Variants in GYS2 observed in about 807,000 individuals in gnomAD.
GYS2 encodes glycogen [starch] synthase, liver.
In GYS2, 80 loss-of-function variants were observed where a neutral mutation model predicts 85.6. The ratio of observed to expected loss-of-function variants is 0.93; its 90% CI spans 0.78 to 1.13. The LOEUF (loss-of-function observed/expected upper bound fraction) is 1.13. GYS2 is among the 50% of genes most tolerant of loss of function. GYS2 has a pLI of 0.00. For synonymous variants in GYS2, 328 were observed against 300.7 expected (o/e 1.09, Z -0.94); for missense variants, 881 against 854.9 (o/e 1.03, Z -0.38).
chr12:21,565,390 A>AATATATAT lies in GYS2; in HGVS notation c.824-2053_824-2046dup, dbSNP rs55790137. Among the ~76,000 whole-genome samples the AATATATAT allele has an allele frequency of 2.9e-3, 217 of 73,572 alleles. 7 individuals carry two copies. Among genetic ancestry groups the AATATATAT allele is most frequent in the Middle Eastern group, 0.013 (1 of 80 alleles). 48.3% of individuals were successfully genotyped at this position (73,572 alleles called of 152,430 possible). ...ACCATTATACTATTTCCATCCATGA[A>AATATATAT]ATATATATATATATATATATATATA... is the stretch of plus-strand genomic sequence containing the variant. On this transcript the variant is annotated intron_variant, in intron 5 of 15. Coordinates refer to ENST00000261195, the MANE Select transcript of GYS2 (RefSeq NM_021957.4).
chr12:21,579,404 C>T (rs1247279914), intron 2 of GYS2, among the ~76,000 whole-genome samples: 3 of 139,908 alleles, frequency 2.1e-5, no homozygotes, highest in South Asian at 2.2e-4. Flanking sequence ...CCCAAGCAGG[C>T]GAGCAATGGC....
At chr12:21,544,407 T>A (rs766145919) in intron 12 of GYS2, among the ~76,000 whole-genome samples, 15 of 152,322 alleles carry the variant, frequency 9.8e-5, no homozygotes, top group Non-Finnish European at 1.9e-4. Flanking sequence ...AACTTTGCCC[T>A]ATAAAATGAC....
rs1387188410 is a variant in GYS2 at position 21,588,461 on chromosome 12, T to A, written c.122-7938A>T. ...TGTTGATGCTATTATATGGTACCAA[T>A]AGGATTCATTAATTTATAAAGGAGA... is the stretch of plus-strand genomic sequence containing the variant. On this transcript the variant is annotated intron_variant, in intron 1 of 15. Transcript: ENST00000261195. Among the ~76,000 whole-genome samples the A allele has an allele frequency of 3.3e-5, 5 of 152,208 alleles. No individual in the cohort carries two copies. The East Asian group carries it at 7.7e-4, about 23-fold the overall frequency.
At chr12:21,535,905 G>A (rs2192171), downstream of GYS2, among the ~76,000 whole-genome samples, 4,284 of 152,176 alleles carry the variant, frequency 0.028, 184 homozygotes, top group African/African-American at 0.09. Flanking sequence ...AACATAAATC[G>A]GCTAAATTAA....
At chr12:21,567,475 A>G (rs1397836026) in intron 5 of GYS2, among the ~76,000 whole-genome samples, 1 of 151,714 alleles carries the variant, frequency 6.6e-6, no homozygotes, top group East Asian at 1.9e-4. Context: ...AAAAAAGGCT[A>G]CTATAGGTTC....
At chr12:21,555,507 G>A (rs1372331017) in intron 11 of GYS2, among the ~76,000 whole-genome samples, 2 of 152,008 alleles carry the variant, frequency 1.3e-5, no homozygotes, top group Non-Finnish European at 2.9e-5. Flanking sequence ...AATACTTACT[G>A]GTTTTTAAAT....
At chr12:21,600,630 C>T (rs1415369182) in intron 1 of GYS2, among the ~76,000 whole-genome samples, 5 of 152,060 alleles carry the variant, frequency 3.3e-5, no homozygotes, top group Admixed American at 1.3e-4. Context: ...TTGTTCTTTA[C>T]GGCAATTACA....
In GYS2 at chr12:21,537,136, G is replaced by T. The variant is rs1485503615; in HGVS notation, c.1930C>A (p.Pro644Thr). The T allele has an allele frequency of 6.2e-7, 1 of 1,613,898 alleles. No individual in the cohort carries two copies. Among genetic ancestry groups the T allele is most frequent in the East Asian group, 2.2e-5 (1 of 44,874 alleles). ...GAGGCCTGAGACCCTGAAGGAGAAG[G>T]TGGTACTGAGGAAGGCCTGGGATAT... ...FKYPRPSSVPPSPSGSQASSP... is the reference protein window; with the variant it reads ...FKYPRPSSVPTSPSGSQASSP... Residue 644 changes from proline (P) to threonine (T), a missense_variant, in exon 16 of 16, where the codon CCT becomes ACT. By Grantham distance (38) the Pro-to-Thr change is conservative. Coordinates refer to ENST00000261195, the MANE Select transcript of GYS2 (RefSeq NM_021957.4).
chr12:21,564,388 G>A lies in GYS2; in HGVS notation c.824-1043C>T, dbSNP rs188331613. Among the ~76,000 whole-genome samples the A allele has an allele frequency of 3.8e-3, 584 of 151,918 alleles. 4 individuals are homozygous for A. The highest frequency in any genetic ancestry group is 0.013 in the African/African-American group (521 of 41,404). On this transcript the variant is annotated intron_variant, in intron 5 of 15. Coordinates refer to ENST00000261195, the MANE Select transcript of GYS2 (RefSeq NM_021957.4). ...GGAGGTTGCAGTGAGCTGAAATCAC[G>A]CCACTGCACTTCAGCCTGGGTGACA... is the stretch of plus-strand genomic sequence containing the variant.
At chr12:21,589,234 T>C (rs543448883) in intron 1 of GYS2, among the ~76,000 whole-genome samples, 2 of 152,290 alleles carry the variant, frequency 1.3e-5, no homozygotes, top group East Asian at 1.9e-4. Flanking sequence ...CTGAAGAACA[T>C]AAGGGGGAAA....
At chr12:21,554,174 G>GAT (rs1555155437) in intron 11 of GYS2, among the ~76,000 whole-genome samples, 1 of 150,120 alleles carries the variant, frequency 6.7e-6, no homozygotes, top group Admixed American at 6.6e-5. Context: ...AAGGAAGGAG[G>GAT]GAAGGAAAAA....
In GYS2 at chr12:21,540,553, G is replaced by A. The variant is rs958670031; in HGVS notation, c.1666C>T (p.Arg556Trp). 10 of 1,613,762 alleles carry A rather than the reference G, an allele frequency of 6.2e-6. No individual in the cohort carries two copies. The African/African-American group carries it at 6.7e-5, about 11-fold the overall frequency. Residue 556 changes from arginine (R) to tryptophan (W), a missense_variant, in exon 14 of 16, where the codon CGG becomes TGG. Arg to Trp is a moderately radical substitution (Grantham distance 101, BLOSUM62 -3). Transcript: ENST00000261195. ...TAYGIYIVDR[R>W]FRSPDDSCNQ... ...CAAGAATCATCTGGAGAACGGAACC[G>A]CCTGTCAACGATGTAAATACCTGAA...
At chr12:21,559,856 T>C (rs1460019790) in intron 8 of GYS2, 146 bp from the exon 9 acceptor site, 1 of 687,494 alleles carries the variant, frequency 1.5e-6, no homozygotes, top group Non-Finnish European at 2.5e-6. Flanking sequence ...TCTTCTATTA[T>C]TTTACTACTT....
intron 11 of GYS2, among the ~76,000 whole-genome samples, chr12:21,551,801 T>C (rs796321000): frequency 2.4e-4 from 36 of 152,242 alleles, no homozygotes; most frequent in African/African-American, 8.7e-4. Context: ...ACACAGATAC[T>C]GTATCTGGGC....
Position 21,559,720 on chromosome 12 carries a change from A to G in GYS2, c.1170-10T>C. On this transcript the variant is annotated splice_polypyrimidine_tract_variant and intron_variant, in intron 8 of 15. Coordinates refer to ENST00000261195, the MANE Select transcript of GYS2 (RefSeq NM_021957.4). ...AGAATGTGCAACATCCCTGTTTGAA[A>G]CAGAAAGATTTATCATTTAAACAGT... 6.5e-7 allele frequency: 1 copy of G among 1,544,862 alleles called. No individual in the cohort carries two copies. Among genetic ancestry groups the G allele is most frequent in the Non-Finnish European group, 9.0e-7 (1 of 1,117,130 alleles).
chr12:21,555,144 C>G (rs12579540), intron 11 of GYS2, among the ~76,000 whole-genome samples: 26,646 of 152,154 alleles, frequency 0.18, 2,913 homozygotes, highest in East Asian at 0.27. Context: ...GGGAAATAAA[C>G]TTTCCCTGCC....
chr12:21,559,948 C>T (rs935441860), intron 8 of GYS2, among the ~76,000 whole-genome samples: 5 of 152,046 alleles, frequency 3.3e-5, no homozygotes, highest in African/African-American at 1.2e-4. Flanking sequence ...AATTTTTTTG[C>T]TTCATGATGA....
At chr12:21,558,790 G>T (rs1944214977) in intron 10 of GYS2, among the ~76,000 whole-genome samples, 1 of 151,980 alleles carries the variant, frequency 6.6e-6, no homozygotes, top group Non-Finnish European at 1.5e-5. Context: ...TCTATGTTTT[G>T]GAAGTATTTA....
intron 2 of GYS2, among the ~76,000 whole-genome samples, chr12:21,579,667 T>C (rs972904792): frequency 2.0e-5 from 3 of 152,130 alleles, no homozygotes; most frequent in Non-Finnish European, 2.9e-5. Context: ...GGCCGCTTTT[T>C]CTTACTTCTA....
Sources: gnomAD v4.1 joint callset for allele counts (sites outside exome capture counted in the v4.1 genomes callset) on GRCh38, gnomAD v4.1.1 for gene constraint, MANE v1.5 for transcripts, NCBI Gene and HGNC (gene_info 2026-07-23, HGNC 2026-07-21) for gene names.